Variants in PCDHGB3 observed in about 807,000 individuals in gnomAD.
The protein encoded by PCDHGB3 is protocadherin gamma subfamily B, 3.
A neutral mutation model predicts 59.2 loss-of-function variants in PCDHGB3; 40 were observed. The ratio of observed to expected loss-of-function variants is 0.68; its 90% CI spans 0.52 to 0.88. The LOEUF (loss-of-function observed/expected upper bound fraction) is 0.88. Ranked by LOEUF, PCDHGB3 falls within the 40% of genes least tolerant of loss-of-function variation. PCDHGB3 has a pLI of 0.00. For synonymous variants in PCDHGB3, 581 were observed against 503.6 expected (o/e 1.15, Z -2.06); for missense variants, 1,309 against 1,187.9 (o/e 1.10, Z -1.50).
intron 1 of PCDHGB3, chr5:141,399,810 C>T (rs148150333): frequency 3.9e-5 from 63 of 1,613,194 alleles, no homozygotes; most frequent in Non-Finnish European, 4.9e-5. Flanking sequence ...TGCTGTACCC[C>T]GCGCTGGGTC....
chr5:141,418,597 G>T, intron 1 of PCDHGB3: 7 of 1,614,052 alleles, frequency 4.3e-6, no homozygotes, highest in South Asian at 1.1e-5. Flanking sequence ...GCCAGGACGT[G>T]TACAGGGTTA....
intron 1 of PCDHGB3, among the ~76,000 whole-genome samples, chr5:141,451,302 G>T (rs1445994098): frequency 6.6e-6 from 1 of 152,208 alleles, no homozygotes; most frequent in Non-Finnish European, 1.5e-5. Context: ...GTCTTACAAG[G>T]CAGCAATTAA....
At chr5:141,374,136 C>A (rs769413254) in intron 1 of PCDHGB3, 3 of 1,605,624 alleles carry the variant, frequency 1.9e-6, no homozygotes, top group Middle Eastern at 1.7e-4. Context: ...CTGCTCCTCA[C>A]GCTCCTGGGG....
intron 1 of PCDHGB3, among the ~76,000 whole-genome samples, chr5:141,463,438 CTTTTTTTTTTTTTTTT>C (rs71576115): frequency 1.9e-5 from 2 of 103,256 alleles, no homozygotes; most frequent in African/African-American, 4.5e-5. Context: ...TTTCCTTCTC[CTTTTTTTTTTTTTTTT>C]TTTTTTTTTT....
chr5:141,502,655 C>T (rs72790073), intron 2 of PCDHGB3, among the ~76,000 whole-genome samples: 29,437 of 152,034 alleles, frequency 0.19, 2,877 homozygotes, highest in Middle Eastern at 0.24. Context: ...AGGCAGCAAC[C>T]CTTCATGCAA....
chr5:141,382,899 T>A, intron 1 of PCDHGB3: 1 of 1,541,826 alleles, frequency 6.5e-7, no homozygotes. Context: ...GCAGGACGAC[T>A]ATGGCGGCTC....
chr5:141,388,913 A>C, intron 1 of PCDHGB3: 1 of 1,614,040 alleles, frequency 6.2e-7, no homozygotes, highest in Non-Finnish European at 8.5e-7. Flanking sequence ...ACAACGCCCC[A>C]GAAGTGATAT....
In PCDHGB3 at chr5:141,375,693, G is replaced by C. The variant is rs112671050; in HGVS notation, c.2415+2884G>C. 1,209 of 1,614,256 alleles carry C rather than the reference G, an allele frequency of 7.5e-4. 14 individuals carry two copies. In the African/African-American group the frequency reaches 0.015, roughly 20 times the overall value. On this transcript the variant is annotated intron_variant, in intron 1 of 3. Coordinates refer to ENST00000576222, the MANE Select transcript of PCDHGB3 (RefSeq NM_018924.5). ...CAGCTGTGGGTGACAGCCAGCGACA[G>C]CGGGGACCCGCCTCTTAGCAGCAAC... is the stretch of plus-strand genomic sequence containing the variant.
At chr5:141,449,016 C>T (rs2098623330) in intron 1 of PCDHGB3, among the ~76,000 whole-genome samples, 1 of 152,008 alleles carries the variant, frequency 6.6e-6, no homozygotes, top group African/African-American at 2.4e-5. Context: ...TTAACAGTTG[C>T]TTAGCATTCC....
chr5:141,426,238 T>C, intron 1 of PCDHGB3: 1 of 158,644 alleles, frequency 6.3e-6, no homozygotes, highest in Admixed American at 5.9e-5. Context: ...AAGCACTTTG[T>C]GAAACATTTT....
At chr5:141,500,244 T>C (rs1426405294) in intron 2 of PCDHGB3, among the ~76,000 whole-genome samples, 1 of 151,640 alleles carries the variant, frequency 6.6e-6, no homozygotes, top group Non-Finnish European at 1.5e-5. Context: ...AGCCTTGCTC[T>C]GTCACCCAGG....
intron 1 of PCDHGB3, among the ~76,000 whole-genome samples, chr5:141,434,129 G>T (rs1242855904): frequency 6.6e-6 from 1 of 152,092 alleles, no homozygotes; most frequent in East Asian, 1.9e-4. Flanking sequence ...CTCCCTTTAG[G>T]CTGATTTCTA....
intron 3 of PCDHGB3, among the ~76,000 whole-genome samples, chr5:141,506,833 C>A (rs1462038297): frequency 1.3e-5 from 2 of 152,092 alleles, no homozygotes; most frequent in African/African-American, 4.8e-5. Context: ...AACTGATAGC[C>A]CTGCCCTCCA....
Position 141,476,996 on chromosome 5 carries a change from C to T in PCDHGB3, c.2416-17811C>T. The T allele has an allele frequency of 6.2e-7, 1 of 1,614,250 alleles. No homozygotes were observed. Among genetic ancestry groups the T allele is most frequent in the Non-Finnish European group, 8.5e-7 (1 of 1,180,052 alleles). On this transcript the variant is annotated intron_variant, in intron 1 of 3. Coordinates refer to ENST00000576222, the MANE Select transcript of PCDHGB3 (RefSeq NM_018924.5). The surrounding 1 kb of genome is among the most constrained non-coding windows in gnomAD (Gnocchi z 7.6). ...CCACAACCGCGCCGGCGTGCGGCAA[C>T]TATTCGCCTTAGACCTTGTAACCGG...
chr5:141,413,372 G>T lies in PCDHGB3; in HGVS notation c.2415+40563G>T, dbSNP rs760934804. ...CTGGCGCCCCGGGAGCTGGCGGAGCGCGGAGTCCGCATAGTCTCCAGAGGT... is the reference window on the plus strand; with the variant it reads ...CTGGCGCCCCGGGAGCTGGCGGAGCTCGGAGTCCGCATAGTCTCCAGAGGT... On this transcript the variant is annotated intron_variant, in intron 1 of 3. Transcript: ENST00000576222. The T allele has an allele frequency of 1.9e-6, 3 of 1,613,950 alleles. No individual in the cohort carries two copies. The South Asian group carries it at 3.3e-5, about 18-fold the overall frequency.
In PCDHGB3 at chr5:141,491,049, G is replaced by A. The variant is rs369146505; in HGVS notation, c.2416-3758G>A. Reference sequence around the variant, plus strand: ...TGGATGCTGATGCAGGCCACAATGCGTGGCTCTCCTACTCACTGTTGCCAC... The same window carrying A: ...TGGATGCTGATGCAGGCCACAATGCATGGCTCTCCTACTCACTGTTGCCAC... On this transcript the variant is annotated intron_variant, in intron 1 of 3. Coordinates refer to ENST00000576222, the MANE Select transcript of PCDHGB3 (RefSeq NM_018924.5). This position sits in a 1 kb window ranked among gnomAD's most constrained non-coding sequence, Gnocchi z 6.9. The A allele has an allele frequency of 3.3e-5, 53 of 1,614,116 alleles. No individual in the cohort carries two copies. The African/African-American group carries it at 5.5e-4, about 17-fold the overall frequency.
intron 1 of PCDHGB3, chr5:141,395,876 T>C (rs1175297322): frequency 6.6e-6 from 1 of 152,090 alleles, no homozygotes; most frequent in Non-Finnish European, 1.5e-5. Context: ...AGTATGTGAG[T>C]CAGTGGTCAC....
intron 1 of PCDHGB3, chr5:141,382,889 G>A: frequency 2.0e-5 from 30 of 1,532,432 alleles, no homozygotes; most frequent in Non-Finnish European, 2.5e-5. Context: ...AGCAAGAGAA[G>A]CAGGACGACT....
At chr5:141,458,617 T>A (rs1392739721) in intron 1 of PCDHGB3, among the ~76,000 whole-genome samples, 6 of 152,170 alleles carry the variant, frequency 3.9e-5, no homozygotes, top group Non-Finnish European at 8.8e-5. Flanking sequence ...TCAGCCAGGC[T>A]GGAGTGCAGT....
Sources: allele counts gnomAD v4.1 joint callset (sites outside exome capture counted in the v4.1 genomes callset), GRCh38; gene constraint gnomAD v4.1.1; non-coding constraint Gnocchi (gnomAD v3.1); transcripts MANE v1.5; gene names NCBI Gene and HGNC (gene_info 2026-07-23, HGNC 2026-07-21).